Variants in IPP observed in about 807,000 individuals in gnomAD.
The protein encoded by IPP is intracisternal A particle-promoted polypeptide.
Under a neutral mutation model 64.1 loss-of-function variants are expected in IPP, and 41 were observed. The observed-to-expected ratio is 0.64, with a 90% CI of 0.50 to 0.83. IPP has a LOEUF of 0.83. Among genes scored for constraint, IPP ranks in the 40% least tolerant of loss-of-function variants. The pLI is 0.00. For missense variants in IPP, 649 were observed against 703.0 expected (o/e 0.92, Z 0.87); for synonymous variants, 214 against 235.2 (o/e 0.91, Z 0.83).
At chr1:45,748,699 C>T (rs968862696) in intron 1 of IPP, among the ~76,000 whole-genome samples, 1 of 151,834 alleles carries the variant, frequency 6.6e-6, no homozygotes, top group Non-Finnish European at 1.5e-5. Context: ...AAAGCAGGTG[C>T]GGTGACTCAC....
At chr1:45,713,856 G>A (rs1645623354) in intron 8 of IPP, among the ~76,000 whole-genome samples, 1 of 152,080 alleles carries the variant, frequency 6.6e-6, no homozygotes, top group African/African-American at 2.4e-5. Context: ...ACCACGCCTA[G>A]CAGTACAAAA....
At chr1:45,733,831 C>CA (rs891726713) in intron 3 of IPP, among the ~76,000 whole-genome samples, 1,198 of 116,628 alleles carry the variant, frequency 0.01, 10 homozygotes, top group African/African-American at 0.031. Flanking sequence ...GACTCCGTCT[C>CA]AAAAAAAAAA....
intron 4 of IPP, among the ~76,000 whole-genome samples, chr1:45,728,425 T>C (rs919065909): frequency 6.6e-6 from 1 of 152,062 alleles, no homozygotes; most frequent in Admixed American, 6.6e-5. Context: ...GTATTATGTA[T>C]ACAGATCTGG....
chr1:45,737,457 C>CTTT (rs778748035), intron 3 of IPP, among the ~76,000 whole-genome samples: 19 of 121,232 alleles, frequency 1.6e-4, no homozygotes, highest in African/African-American at 1.8e-4. Flanking sequence ...ATAAACAATT[C>CTTT]TTTTTTTTTT....
At chr1:45,726,072 C>T (rs1347631137) in intron 5 of IPP, among the ~76,000 whole-genome samples, 1 of 145,482 alleles carries the variant, frequency 6.9e-6, no homozygotes, top group Admixed American at 6.9e-5. Flanking sequence ...GAGAAACACC[C>T]AAGAATGATC....
chr1:45,737,655 T>C (rs1234656171), intron 3 of IPP, among the ~76,000 whole-genome samples: 1 of 152,100 alleles, frequency 6.6e-6, no homozygotes, highest in African/African-American at 2.4e-5. Context: ...GACACAGGTT[T>C]CACCATGTTG....
chr1:45,706,960 C>T (rs1210368901), intron 8 of IPP, among the ~76,000 whole-genome samples: 1 of 152,128 alleles, frequency 6.6e-6, no homozygotes, highest in Non-Finnish European at 1.5e-5. Flanking sequence ...AAAAAGTCAA[C>T]AAGGCACCAT....
In IPP at chr1:45,699,374, G is replaced by A; in HGVS notation, c.*592C>T. The A allele has an allele frequency of 2.0e-6, 2 of 984,688 alleles. No homozygotes were observed. The highest frequency in any genetic ancestry group is 1.2e-6 in the Non-Finnish European group (1 of 829,380). The allele number at this position is 984,688 out of a possible 1,614,324, so 61.0% of individuals were successfully genotyped here. A position where few individuals can be genotyped will look rare whatever the true frequency, so the allele number is the denominator to read the frequency against. On this transcript the variant is annotated 3_prime_UTR_variant, in exon 9 of 9. Coordinates refer to ENST00000396478, the MANE Select transcript of IPP (RefSeq NM_005897.3). ...CTCTGGATATAATTGTGAATATAGA[G>A]GTCTTTAAACTGTGTCATTGACACT... is the stretch of plus-strand genomic sequence containing the variant.
chr1:45,697,676 C>T (rs552565529), downstream of IPP, among the ~76,000 whole-genome samples: 5 of 152,066 alleles, frequency 3.3e-5, no homozygotes, highest in East Asian at 3.9e-4. Context: ...AATGGGAAAT[C>T]GGCAGAGTGC....
intron 5 of IPP, among the ~76,000 whole-genome samples, chr1:45,726,000 CTT>C (rs1250054402): frequency 6.9e-6 from 1 of 145,098 alleles, no homozygotes. Context: ...CCTTTGTTCA[CTT>C]GTTTATCTGC....
chr1:45,737,744 G>A (rs1252521126), intron 3 of IPP, among the ~76,000 whole-genome samples: 2 of 152,108 alleles, frequency 1.3e-5, no homozygotes, highest in East Asian at 3.8e-4. Flanking sequence ...ACAGGCATGA[G>A]CCACCGTGCC....
At position 45,717,007 on chromosome 1, in the gene IPP, A is replaced by G; in HGVS notation, c.1197T>C (p.Val399=). The G allele has an allele frequency of 6.2e-7, 1 of 1,612,520 alleles. No individual in the cohort carries two copies. The highest frequency in any genetic ancestry group is 8.5e-7 in the Non-Finnish European group (1 of 1,179,504). Residue 399 remains valine (V), a synonymous_variant, in exon 7 of 9, where the codon GTT becomes GTC. Coordinates refer to ENST00000396478, the MANE Select transcript of IPP (RefSeq NM_005897.3). ...YGAIYALGGW[V]GAEIGNTIER... is the part of the protein sequence containing the mutation. ...CAATGGTGTTCCCTATCTCAGCTCC[A>G]ACCCATCCACCTGTAATGAAATAGA...
At chr1:45,726,150 A>AC (rs1179801341) in intron 5 of IPP, among the ~76,000 whole-genome samples, 6 of 94,164 alleles carry the variant, frequency 6.4e-5, no homozygotes, top group Admixed American at 1.4e-4. Flanking sequence ...ACATAGTGAG[A>AC]CCCCATCTCT....
intron 4 of IPP, among the ~76,000 whole-genome samples, chr1:45,729,158 A>AG (rs1305169318): frequency 2.6e-5 from 4 of 151,512 alleles, no homozygotes; most frequent in African/African-American, 9.7e-5. Context: ...AAAAAAAAAA[A>AG]AAGAAGAAGT....
intron 2 of IPP, among the ~76,000 whole-genome samples, chr1:45,742,634 G>A (rs1329628084): frequency 6.6e-6 from 1 of 151,916 alleles, no homozygotes; most frequent in African/African-American, 2.4e-5. Context: ...CCCACGCTCA[G>A]GTGAGCCTCC....
chr1:45,698,961 A>G lies in IPP; in HGVS notation c.*1005T>C, dbSNP rs1645414014. 1.3e-6 allele frequency: 1 copy of G among 763,990 alleles called. No homozygotes were observed. The highest frequency in any genetic ancestry group is 1.9e-5 in the African/African-American group (1 of 52,860). The allele number at this position is 763,990 out of a possible 1,614,324, so 47.3% of individuals were successfully genotyped here. A position where few individuals can be genotyped will look rare whatever the true frequency, so the allele number is the denominator to read the frequency against. ...AGTCTCGAACTCCTGAGTTCAAGCCATCTTCCCGTCTCACCTCGGCCTCTC... is the reference window on the plus strand; with the variant it reads ...AGTCTCGAACTCCTGAGTTCAAGCCGTCTTCCCGTCTCACCTCGGCCTCTC... On this transcript the variant is annotated 3_prime_UTR_variant, in exon 9 of 9. Transcript: ENST00000396478.
chr1:45,740,962 T>C lies in IPP; in HGVS notation c.663A>G (p.Glu221=), dbSNP rs1417135992. The change falls in exon 3 of 9, where the codon GAA becomes GAG. Residue 221 remains glutamate, a synonymous_variant. Transcript: ENST00000396478. ...AAGGGAATCGAATTGGGTCTAGCAC[T>C]TCCACCACATGTTTTCTTCTTTTTC... is the stretch of plus-strand genomic sequence containing the variant. ...DLGKRRKHVV[E]VLDPIRFPLL... 2 of 1,613,806 alleles carry C rather than the reference T, an allele frequency of 1.2e-6. No homozygotes were observed. The highest frequency in any genetic ancestry group is 2.2e-5 in the East Asian group (1 of 44,872).
intron 5 of IPP, among the ~76,000 whole-genome samples, chr1:45,726,302 TACAA>T (rs879925327): frequency 1.1e-4 from 17 of 151,476 alleles, no homozygotes; most frequent in Admixed American, 1.1e-3. Context: ...CTACTAAAAT[TACAA>T]AATTAGCCGG....
intron 3 of IPP, among the ~76,000 whole-genome samples, chr1:45,740,330 C>CTGTT (rs1287311730): frequency 2.0e-5 from 3 of 152,334 alleles, no homozygotes; most frequent in Admixed American, 2.0e-4. Context: ...TCTCAATGAG[C>CTGTT]TGTTGGGTAC....
Sources: allele counts gnomAD v4.1 joint callset (sites outside exome capture counted in the v4.1 genomes callset), GRCh38; gene constraint gnomAD v4.1.1; transcripts MANE v1.5; gene names NCBI Gene and HGNC (gene_info 2026-07-23, HGNC 2026-07-21).